The following DPP10 variants were observed in gnomAD, a reference collection of about 807,000 sequenced individuals.
The protein encoded by DPP10 is dipeptidyl peptidase like 10.
A neutral mutation model predicts 120.9 loss-of-function variants in DPP10; 33 were observed. That is an observed-to-expected ratio of 0.27 (90% CI 0.21 to 0.37). The LOEUF (loss-of-function observed/expected upper bound fraction) is 0.37. Ranked by LOEUF, DPP10 falls within the 10% of genes least tolerant of loss-of-function variation. The pLI is 1.00. For missense variants in DPP10, 816 were observed against 942.8 expected (o/e 0.87, Z 1.76); for synonymous variants, 337 against 326.1 (o/e 1.03, Z -0.36).
At chr2:114,742,608 C>A (rs1678174065) in intron 1 of DPP10, among the ~76,000 whole-genome samples, 1 of 152,300 alleles carries the variant, frequency 6.6e-6, no homozygotes, top group East Asian at 1.9e-4. Context: ...TTCCCTATTA[C>A]ATTTTCCCAT....
chr2:115,392,627 T>C (rs995168568), intron 3 of DPP10, among the ~76,000 whole-genome samples: 1 of 152,118 alleles, frequency 6.6e-6, no homozygotes, highest in African/African-American at 2.4e-5. Flanking sequence ...TAATATTGGA[T>C]TCAGGACAGA....
intron 3 of DPP10, among the ~76,000 whole-genome samples, chr2:115,435,929 C>A (rs2071453725): frequency 6.6e-6 from 1 of 151,838 alleles, no homozygotes; most frequent in Non-Finnish European, 1.5e-5. Context: ...ATTTTCCCAG[C>A]ACCATTTATT....
chr2:115,485,004 G>C (rs754463292), intron 3 of DPP10, among the ~76,000 whole-genome samples: 3 of 152,040 alleles, frequency 2.0e-5, no homozygotes, highest in Non-Finnish European at 2.9e-5. Flanking sequence ...CCGGGAGGCA[G>C]AGGTTGCAGT....
At chr2:114,859,507 A>C (rs1689643223) in intron 1 of DPP10, among the ~76,000 whole-genome samples, 1 of 152,220 alleles carries the variant, frequency 6.6e-6, no homozygotes, top group Non-Finnish European at 1.5e-5. Context: ...TTATATTCTG[A>C]CAAACCAATT....
chr2:115,348,076 G>A (rs960201962), intron 3 of DPP10, among the ~76,000 whole-genome samples: 15 of 152,126 alleles, frequency 9.9e-5, no homozygotes, highest in Non-Finnish European at 1.8e-4. Flanking sequence ...GAGACAGGAA[G>A]GCAGAAGGAG....
intron 1 of DPP10, among the ~76,000 whole-genome samples, chr2:115,121,879 T>C (rs1428186066): frequency 6.6e-6 from 1 of 152,196 alleles, no homozygotes; most frequent in East Asian, 1.9e-4. Flanking sequence ...ACTTTTGTAA[T>C]TTTCTACCAG....
chr2:114,682,537 C>T (rs1699092513), intron 1 of DPP10, among the ~76,000 whole-genome samples: 1 of 151,444 alleles, frequency 6.6e-6, no homozygotes, highest in African/African-American at 2.4e-5. Context: ...GATGTTGACC[C>T]AGTGATTAAT....
intron 1 of DPP10, among the ~76,000 whole-genome samples, chr2:114,801,273 A>AAAAAAAAAAAG (rs1278761461): frequency 1.3e-3 from 105 of 77,822 alleles, no homozygotes; most frequent in African/African-American, 3.7e-3. Context: ...AAAAAAAAAA[A>AAAAAAAAAAAG]AAAAAAGAAA....
intron 1 of DPP10, among the ~76,000 whole-genome samples, chr2:114,529,586 T>G (rs1030739560): frequency 1.3e-5 from 2 of 152,200 alleles, no homozygotes; most frequent in African/African-American, 4.8e-5. Flanking sequence ...TTTGAAGGTC[T>G]TCTTTAATTC....
intron 10 of DPP10, among the ~76,000 whole-genome samples, chr2:115,752,646 C>T (rs911891588): frequency 7.2e-5 from 11 of 151,956 alleles, no homozygotes; most frequent in East Asian, 1.9e-4. Context: ...AAAGTCCCCA[C>T]GTATGAAGTG....
chr2:115,266,690 T>C (rs2059476241), intron 1 of DPP10, among the ~76,000 whole-genome samples: 1 of 152,110 alleles, frequency 6.6e-6, no homozygotes, highest in East Asian at 1.9e-4. Context: ...TATTAAGCTT[T>C]TTGAGGACAA....
chr2:115,311,995 G>A (rs1383646191), intron 2 of DPP10, among the ~76,000 whole-genome samples: 1 of 151,928 alleles, frequency 6.6e-6, no homozygotes, highest in Non-Finnish European at 1.5e-5. Context: ...GTCTCAAGCA[G>A]TTCTCTTGCC....
At chr2:114,982,819 C>T (rs994187855) in intron 1 of DPP10, among the ~76,000 whole-genome samples, 8 of 151,654 alleles carry the variant, frequency 5.3e-5, no homozygotes, top group Non-Finnish European at 1.0e-4. Context: ...GTTGCCCAGG[C>T]TGGTCTTGAA....
chr2:115,813,206 C>T (rs1686850968), intron 19 of DPP10, among the ~76,000 whole-genome samples: 1 of 146,702 alleles, frequency 6.8e-6, no homozygotes, highest in Admixed American at 6.7e-5. Flanking sequence ...TGGTCTCGAT[C>T]TCCTGACCTC....
At chr2:115,581,958 A>C (rs887174722) in intron 5 of DPP10, among the ~76,000 whole-genome samples, 1 of 152,174 alleles carries the variant, frequency 6.6e-6, no homozygotes, top group Non-Finnish European at 1.5e-5. Flanking sequence ...TGAGGAAAGA[A>C]TTTGGCTGAG....
At chr2:115,468,955 TAC>T in intron 3 of DPP10, 1 of 174,040 alleles carries the variant, frequency 5.7e-6, no homozygotes. Context: ...CTTTCATAGA[TAC>T]TTTTTTTTTT....
At chr2:114,910,870 A>C (rs1230889578) in intron 1 of DPP10, among the ~76,000 whole-genome samples, 1 of 152,144 alleles carries the variant, frequency 6.6e-6, no homozygotes, top group Non-Finnish European at 1.5e-5. Context: ...AAATGATCTA[A>C]AGAATCATTT....
intron 5 of DPP10, among the ~76,000 whole-genome samples, chr2:115,620,641 C>T (rs1392766524): frequency 6.6e-6 from 1 of 152,166 alleles, no homozygotes; most frequent in Non-Finnish European, 1.5e-5. Flanking sequence ...AAAAGCATGA[C>T]TTTTTAGTAT....
chr2:115,241,880 A>C lies in DPP10; in HGVS notation c.61-67359A>C, dbSNP rs536412965. Among the ~76,000 whole-genome samples the C allele has an allele frequency of 7.2e-5, 11 of 152,346 alleles. No individual in the cohort carries two copies. The South Asian group carries it at 2.1e-3, about 29-fold the overall frequency. On this transcript the variant is annotated intron_variant, in intron 1 of 25. Transcript: ENST00000410059. The stretch of plus-strand genomic sequence containing the variant: ...CATAAATCACAGGGTTATCATAAAG[A>C]TTTTAATATACTAGTGAGGAATTCC...
Sources: gnomAD v4.1 joint callset for allele counts (sites outside exome capture counted in the v4.1 genomes callset) on GRCh38, gnomAD v4.1.1 for gene constraint, MANE v1.5 for transcripts, NCBI Gene and HGNC (gene_info 2026-07-23, HGNC 2026-07-21) for gene names.